MARCHF10: variants seen among roughly 807,000 people sequenced by gnomAD.
MARCHF10 encodes the protein membrane associated ring-CH-type finger 10, also known as probable E3 ubiquitin-protein ligase MARCHF10.
MARCHF10 carries 64 observed loss-of-function variants against 76.2 expected under a neutral mutation model. The ratio of observed to expected loss-of-function variants is 0.84; its 90% CI spans 0.69 to 1.03. The LOEUF is 1.03. MARCHF10 is among the 50% of genes least tolerant of loss of function. The probability of loss-of-function intolerance (pLI) is 0.00; values close to 1 mark genes in which losing one functional copy is unlikely to be tolerated. For missense variants in MARCHF10, 875 were observed against 958.0 expected (o/e 0.91, Z 1.14); for synonymous variants, 340 against 357.5 (o/e 0.95, Z 0.55).
intron 6 of MARCHF10, among the ~76,000 whole-genome samples, chr17:62,730,330 A>G (rs1479905891): frequency 6.6e-6 from 1 of 152,280 alleles, no homozygotes; most frequent in East Asian, 1.9e-4. Context: ...TGTATGCCAA[A>G]GAAAGCATTT....
In MARCHF10 at chr17:62,808,294, G is replaced by T. The variant is rs906029731; in HGVS notation, c.-235C>A. The T allele has an allele frequency of 6.6e-6, 1 of 152,296 alleles. No homozygotes were observed. Among genetic ancestry groups the T allele is most frequent in the Admixed American group, 6.5e-5 (1 of 15,290 alleles). 9.4% of individuals were successfully genotyped at this position (152,296 alleles called of 1,614,324 possible). Reference sequence around the variant, plus strand: ...GCGGCGCCGGCCGGCCTTGCCTGGGGCGGAGGCGGTGGGGGCGGCTACCGG... The same window carrying T: ...GCGGCGCCGGCCGGCCTTGCCTGGGTCGGAGGCGGTGGGGGCGGCTACCGG... On this transcript the variant is annotated 5_prime_UTR_variant, in exon 1 of 11. Coordinates refer to ENST00000311269, the MANE Select transcript of MARCHF10 (RefSeq NM_152598.4).
At position 62,706,753 on chromosome 17, in the gene MARCHF10, G is replaced by C. The variant is rs918195144; in HGVS notation, c.2329-1172C>G. On this transcript the variant is annotated intron_variant, in intron 9 of 10. Transcript: ENST00000311269. ...ACACCTGGGGCAGAAGACAGAGTAG[G>C]GTCCTTGCTCCAGGAGATCGTTGTA... Among the ~76,000 whole-genome samples the C allele has an allele frequency of 4.6e-5, 7 of 152,218 alleles. No individual in the cohort carries two copies. In the Middle Eastern group the frequency reaches 0.014, roughly 296 times the overall value.
chr17:62,759,679 C>T (rs931281253), intron 4 of MARCHF10, among the ~76,000 whole-genome samples, 156 bp downstream of exon 4: 1 of 152,076 alleles, frequency 6.6e-6, no homozygotes, highest in African/African-American at 2.4e-5. Flanking sequence ...CCACGCTGGC[C>T]AGGCTGGTCT....
chr17:62,780,095 TA>T (rs963591343), intron 3 of MARCHF10, among the ~76,000 whole-genome samples: 91 of 137,712 alleles, frequency 6.6e-4, no homozygotes, highest in African/African-American at 7.5e-4. Context: ...AGACTCGGTC[TA>T]AAAAAAAAAA....
At chr17:62,728,185 C>T (rs962496460) in intron 6 of MARCHF10, among the ~76,000 whole-genome samples, 6 of 142,276 alleles carry the variant, frequency 4.2e-5, no homozygotes, top group African/African-American at 1.6e-4. Flanking sequence ...CCACCATGCC[C>T]AGCTAATTTT....
intron 6 of MARCHF10, among the ~76,000 whole-genome samples, chr17:62,733,181 A>G (rs777013903): frequency 3.9e-5 from 6 of 152,112 alleles, no homozygotes; most frequent in Non-Finnish European, 7.4e-5. Context: ...ATATTTGGCT[A>G]GGCAAAGTGG....
intron 2 of MARCHF10, among the ~76,000 whole-genome samples, chr17:62,790,592 A>T (rs1173603138): frequency 1.3e-5 from 2 of 152,196 alleles, no homozygotes; most frequent in Non-Finnish European, 2.9e-5. Flanking sequence ...GTAAAGACCA[A>T]CAATATTGTT....
At position 62,737,225 on chromosome 17, in the gene MARCHF10, G is replaced by C; in HGVS notation, c.643C>G (p.Pro215Ala). The change falls in exon 6 of 11, where the codon CCT (proline) becomes GCT (alanine). Residue 215 changes from proline to alanine, a missense_variant. Physicochemically the swap from Pro to Ala is conservative, Grantham distance 27. Coordinates refer to ENST00000311269, the MANE Select transcript of MARCHF10 (RefSeq NM_152598.4). ...PSSQPMTENA[P>A]DRAKKGDPSA... ...GGGTCTCCTTTTTTGGCTCTATCAG[G>C]GGCGTTCTCAGTCATTGGCTGTGAC... is the stretch of plus-strand genomic sequence containing the variant. The C allele has an allele frequency of 6.2e-7, 1 of 1,614,012 alleles. No homozygotes were observed.
At position 62,738,100 on chromosome 17, in the gene MARCHF10, A is replaced by ACACACACACACACACACACAC. The variant is rs1555696217; in HGVS notation, c.536-769_536-768insGTGTGTGTGTGTGTGTGTGTG. Among the ~76,000 whole-genome samples the ACACACACACACACACACACAC allele has an allele frequency of 2.7e-5, 4 of 148,792 alleles. No homozygotes were observed. The highest frequency in any genetic ancestry group is 5.0e-5 in the African/African-American group (2 of 40,368). ...CACACACACACACACACACACACAC[A>ACACACACACACACACACACAC]ACTTAAGCCTCACAACCCTGTGAAA... On this transcript the variant is annotated intron_variant, in intron 5 of 10. Coordinates refer to ENST00000311269, the MANE Select transcript of MARCHF10 (RefSeq NM_152598.4). This position sits in a 1 kb window ranked among gnomAD's most constrained non-coding sequence, Gnocchi z 4.0.
At chr17:62,715,206 G>A (rs1158817895) in intron 8 of MARCHF10, among the ~76,000 whole-genome samples, 2 of 152,248 alleles carry the variant, frequency 1.3e-5, no homozygotes, top group East Asian at 3.8e-4. Flanking sequence ...TGAGCACGTG[G>A]TAGCTGCTAA....
At chr17:62,788,730 A>C in intron 2 of MARCHF10, 131 bp from the exon 3 acceptor site, 2 of 1,261,500 alleles carry the variant, frequency 1.6e-6, no homozygotes, top group Non-Finnish European at 2.2e-6. Context: ...AATACCTCTC[A>C]CCAAGTATAA....
intron 3 of MARCHF10, among the ~76,000 whole-genome samples, chr17:62,767,456 T>C (rs2092359171): frequency 6.9e-6 from 1 of 145,788 alleles, no homozygotes; most frequent in South Asian, 2.3e-4. Context: ...TATTCTTTTT[T>C]TTTTTTTTTT....
chr17:62,745,107 CTTTTTTTT>C (rs963115348), intron 4 of MARCHF10, among the ~76,000 whole-genome samples: 4 of 135,184 alleles, frequency 3.0e-5, no homozygotes, highest in African/African-American at 1.1e-4. Context: ...GTCTTTTTTT[CTTTTTTTT>C]TTTTTAAGAT....
At chr17:62,730,885 T>G (rs867917110) in intron 6 of MARCHF10, among the ~76,000 whole-genome samples, 3 of 146,812 alleles carry the variant, frequency 2.0e-5, no homozygotes. Flanking sequence ...AGAGCGAGAC[T>G]CCATCTCAAC....
chr17:62,793,624 C>T (rs1232832652), intron 2 of MARCHF10, among the ~76,000 whole-genome samples: 1 of 149,158 alleles, frequency 6.7e-6, no homozygotes, highest in South Asian at 2.2e-4. Context: ...CCACCTCCAC[C>T]ACCACAACCC....
chr17:62,747,958 T>A (rs142269766), intron 4 of MARCHF10, among the ~76,000 whole-genome samples: 2 of 152,222 alleles, frequency 1.3e-5, no homozygotes. Context: ...ATAATCTAAT[T>A]TGGCTGCACT....
chr17:62,735,305 A>T (rs2091213197), intron 6 of MARCHF10: 1 of 152,352 alleles, frequency 6.6e-6, no homozygotes. Context: ...GCTGTGAACT[A>T]TCCCCAAATC....
chr17:62,806,645 C>T (rs952307944), intron 1 of MARCHF10: 1 of 152,198 alleles, frequency 6.6e-6, no homozygotes, highest in African/African-American at 2.4e-5. Context: ...AGTAATTCTT[C>T]TTGGCCTCAA....
chr17:62,800,176 T>C (rs973452182), intron 2 of MARCHF10, among the ~76,000 whole-genome samples: 2 of 152,190 alleles, frequency 1.3e-5, no homozygotes, highest in Non-Finnish European at 2.9e-5. Flanking sequence ...CAAATAGATA[T>C]TGGCTGAATG....
Sources: allele counts gnomAD v4.1 joint callset (sites outside exome capture counted in the v4.1 genomes callset), GRCh38; gene constraint gnomAD v4.1.1; non-coding constraint Gnocchi (gnomAD v3.1); transcripts MANE v1.5; gene names NCBI Gene and HGNC (gene_info 2026-07-23, HGNC 2026-07-21).